The following CCDC40 variants were observed in gnomAD, a reference collection of about 807,000 sequenced individuals.
CCDC40 encodes coiled-coil domain-containing protein 40.
A neutral mutation model predicts 124.5 loss-of-function variants in CCDC40; 104 were observed. The ratio of observed to expected loss-of-function variants is 0.84; its 90% confidence interval spans 0.71 to 0.98. CCDC40 has a LOEUF of 0.98. Ranked by LOEUF, CCDC40 falls within the 50% of genes least tolerant of loss-of-function variation. The pLI, the probability that CCDC40 is intolerant of heterozygous loss-of-function variation, is 0.00. For synonymous variants in CCDC40, 580 were observed against 602.9 expected (o/e 0.96, Z 0.56); for missense variants, 1,463 against 1,503.9 (o/e 0.97, Z 0.45).
chr17:80,044,182 C>G (rs187899816), intron 3 of CCDC40, among the ~76,000 whole-genome samples: 1 of 152,104 alleles, frequency 6.6e-6, no homozygotes, highest in East Asian at 1.9e-4. Context: ...CCAGCTGTTG[C>G]GGCAAACGGT....
intron 17 of CCDC40, 160 bp downstream of exon 17, chr17:80,090,044 G>T (rs566511148): frequency 2.0e-6 from 3 of 1,536,692 alleles, no homozygotes; most frequent in South Asian, 2.4e-5. Context: ...GGAGCGACCC[G>T]CTCCAGCAGA....
intron 7 of CCDC40, among the ~76,000 whole-genome samples, chr17:80,053,072 T>G (rs965912634): frequency 6.6e-6 from 1 of 152,150 alleles, no homozygotes; most frequent in Admixed American, 6.5e-5. Flanking sequence ...GGACGACAGA[T>G]TAGGGAAATC....
intron 10 of CCDC40, among the ~76,000 whole-genome samples, chr17:80,075,936 T>C (rs1463554571): frequency 6.6e-6 from 1 of 152,144 alleles, no homozygotes; most frequent in Non-Finnish European, 1.5e-5. Context: ...AGAACTAGAA[T>C]GAGAAGTGGA....
chr17:80,059,226 C>G (rs554472844), intron 9 of CCDC40, among the ~76,000 whole-genome samples: 1 of 152,338 alleles, frequency 6.6e-6, no homozygotes, highest in Admixed American at 6.5e-5. Flanking sequence ...TTCAGGTACT[C>G]TAGTCGCTTC....
intron 17 of CCDC40, chr17:80,090,606 G>A (rs2038707400): frequency 6.8e-6 from 10 of 1,477,912 alleles, no homozygotes; most frequent in Non-Finnish European, 9.0e-6. Context: ...ATCCCACTGT[G>A]AGACAGTCTC....
intron 16 of CCDC40, 38 bp downstream of exon 16, chr17:80,088,140 G>C: frequency 7.0e-7 from 1 of 1,418,952 alleles, no homozygotes; most frequent in East Asian, 2.3e-5. Context: ...GGTCATGAAG[G>C]TCACTGCACC....
rs2037372050 is a variant in CCDC40, at chr17:80,044,704, AACAAAAAAAAAAATAT to A, written c.553-2573_553-2558del. Among the ~76,000 whole-genome samples, 3 of 37,228 alleles carry A rather than the reference AACAAAAAAAAAAATAT, an allele frequency of 8.1e-5. No individual in the cohort carries two copies. In the Admixed American group the frequency reaches 1.1e-3, roughly 14 times the overall value. 24.4% of individuals were successfully genotyped at this position (37,228 alleles called of 152,430 possible). A position where few individuals can be genotyped will look rare whatever the true frequency, so the allele number is the denominator to read the frequency against. ...TCTCAAAAACAAAACAAAACAAACA[AACAAAAAAAAAAATAT>A]ATATATATATATATATATCTCAACA... On this transcript the variant is annotated intron_variant, in intron 3 of 19. Transcript: ENST00000397545.
intron 9 of CCDC40, among the ~76,000 whole-genome samples, chr17:80,061,640 T>G (rs1461538085): frequency 1.3e-5 from 2 of 152,158 alleles, no homozygotes; most frequent in Non-Finnish European, 2.9e-5. Flanking sequence ...TTCCTTCATT[T>G]CTCATTTCCA....
intron 17 of CCDC40, among the ~76,000 whole-genome samples, chr17:80,092,437 C>A (rs117741645): frequency 0.028 from 4,223 of 152,240 alleles, 85 homozygotes; most frequent in Non-Finnish European, 0.04. Flanking sequence ...GTAGTCAGCT[C>A]ACCGCATACC....
intron 3 of CCDC40, 69 bp from the exon 4 acceptor site, chr17:80,047,210 G>C (rs2037445979): frequency 1.3e-6 from 2 of 1,537,458 alleles, no homozygotes; most frequent in Non-Finnish European, 1.8e-6. Context: ...AATGTAATGA[G>C]TTAAAATTGA....
At chr17:80,055,998 A>T (rs1253974403) in intron 7 of CCDC40, among the ~76,000 whole-genome samples, 24 of 5,304 alleles carry the variant, frequency 4.5e-3, no homozygotes, top group African/African-American at 5.8e-3. Context: ...ATATATATAT[A>T]TATATATATA....
chr17:80,099,298 A>G (rs1196456216), intron 19 of CCDC40, among the ~76,000 whole-genome samples: 2 of 152,018 alleles, frequency 1.3e-5, no homozygotes, highest in Non-Finnish European at 2.9e-5. Flanking sequence ...CTCAAAAAAA[A>G]AAAAGAATGC....
chr17:80,042,120 G>A (rs1267915780), intron 3 of CCDC40, among the ~76,000 whole-genome samples: 2 of 152,086 alleles, frequency 1.3e-5, no homozygotes, highest in South Asian at 2.1e-4. Flanking sequence ...TTATCCCTAA[G>A]TATTTCTCTT....
At chr17:80,073,609 A>G (rs55896492) in intron 10 of CCDC40, among the ~76,000 whole-genome samples, 2 of 152,100 alleles carry the variant, frequency 1.3e-5, no homozygotes. Context: ...GGGCCTCCCT[A>G]TTCTCCAAGA....
chr17:80,070,889 C>T (rs2143702521), intron 10 of CCDC40, among the ~76,000 whole-genome samples: 1 of 152,328 alleles, frequency 6.6e-6, no homozygotes, highest in Non-Finnish European at 1.5e-5. Flanking sequence ...TGGCTGTGGG[C>T]ACACCCCCTG....
intron 12 of CCDC40, 26 bp downstream of exon 12, chr17:80,082,084 T>G (rs1310896349): frequency 6.2e-7 from 1 of 1,605,202 alleles, no homozygotes; most frequent in South Asian, 1.1e-5. Context: ...AGGGAGGGGC[T>G]GTGCGAAGCC....
At chr17:80,090,427 ATG>A in intron 17 of CCDC40, 1 of 197,354 alleles carries the variant, frequency 5.1e-6, no homozygotes, top group Non-Finnish European at 6.6e-6. Flanking sequence ...CAGCACGTGC[ATG>A]AACAACACAG....
intron 10 of CCDC40, 40 bp downstream of exon 10, chr17:80,065,646 C>T: frequency 6.2e-7 from 1 of 1,609,756 alleles, no homozygotes; most frequent in Non-Finnish European, 8.5e-7. Flanking sequence ...TGCGGGAACC[C>T]CAGGGGTCCG....
chr17:80,091,723 C>T (rs12150633), intron 17 of CCDC40, among the ~76,000 whole-genome samples: 100,388 of 151,956 alleles, frequency 0.66, 33,462 homozygotes, highest in Middle Eastern at 0.8. Context: ...TAGGTTAACC[C>T]AAAATCAGCC....
Sources: allele counts gnomAD v4.1 joint callset (sites outside exome capture counted in the v4.1 genomes callset), GRCh38; gene constraint gnomAD v4.1.1; transcripts MANE v1.5; gene names NCBI Gene and HGNC (gene_info 2026-07-23, HGNC 2026-07-21).